AK9: variants seen among roughly 807,000 people sequenced by gnomAD.
The protein encoded by AK9 is adenylate kinase 9.
In AK9, 191 loss-of-function variants were observed where a neutral mutation model predicts 239.6. The ratio of observed to expected loss-of-function variants is 0.80; its 90% confidence interval spans 0.71 to 0.90. The LOEUF is 0.90. Among genes scored for constraint, AK9 ranks in the 40% least tolerant of loss-of-function variants. AK9 has a pLI of 0.00. For missense variants in AK9, 1,995 were observed against 2,214.7 expected (o/e 0.90, Z 1.99); for synonymous variants, 689 against 721.0 (o/e 0.96, Z 0.71).
intron 24 of AK9, among the ~76,000 whole-genome samples, chr6:109,555,362 T>C (rs1784871484): frequency 6.6e-6 from 1 of 152,248 alleles, no homozygotes; most frequent in Non-Finnish European, 1.5e-5. Context: ...TTGCTTGCAC[T>C]GTGATCTGAG....
intron 39 of AK9, 104 bp from the exon 40 acceptor site, chr6:109,494,199 C>A (rs1466370812): frequency 4.1e-6 from 3 of 731,668 alleles, no homozygotes; most frequent in Non-Finnish European, 2.3e-6. Flanking sequence ...CCTCAAATAG[C>A]CCCCTGGAGT....
chr6:109,658,444 G>C (rs1286620904), intron 7 of AK9, among the ~76,000 whole-genome samples: 11 of 152,130 alleles, frequency 7.2e-5, no homozygotes, highest in Non-Finnish European at 1.2e-4. Flanking sequence ...GTGATTAAGT[G>C]CTATAAGGAA....
At chr6:109,502,302 C>T (rs1039848184) in intron 35 of AK9, among the ~76,000 whole-genome samples, 25 of 152,060 alleles carry the variant, frequency 1.6e-4, no homozygotes, top group Admixed American at 3.3e-4. Flanking sequence ...TGACCTTATT[C>T]GGAAATAGGG....
At position 109,644,604 on chromosome 6, in the gene AK9, C is replaced by T. The variant is rs1201947967; in HGVS notation, c.834+10G>A. On this transcript the variant is annotated intron_variant, in intron 9 of 40. Transcript: ENST00000424296. The stretch of plus-strand genomic sequence containing the variant: ...TGCTGTGAAGTATTCCTGCTTAACA[C>T]TGCACTCACCATAAAGAGCTCCTCT... 3.1e-6 allele frequency: 5 copies of T among 1,605,060 alleles called. No individual in the cohort carries two copies. The highest frequency in any genetic ancestry group is 4.3e-6 in the Non-Finnish European group (5 of 1,176,022).
At chr6:109,561,217 G>T (rs577880102) in intron 24 of AK9, among the ~76,000 whole-genome samples, 6 of 152,302 alleles carry the variant, frequency 3.9e-5, no homozygotes, top group African/African-American at 1.4e-4. Flanking sequence ...TTCCCAAAGT[G>T]CTGGGATTAC....
intron 3 of AK9, among the ~76,000 whole-genome samples, chr6:109,673,937 C>A (rs1771305466): frequency 6.7e-6 from 1 of 149,298 alleles, no homozygotes. Flanking sequence ...AGTTTGAAAC[C>A]AGCCTGGGCA....
intron 8 of AK9, among the ~76,000 whole-genome samples, chr6:109,650,092 C>G (rs180953013): frequency 9.3e-4 from 141 of 152,216 alleles, no homozygotes; most frequent in African/African-American, 3.1e-3. Context: ...ATTCAAGATG[C>G]ATTAAAGACT....
chr6:109,619,108 C>T lies in AK9; in HGVS notation c.1383G>A (p.Leu461=). Residue 461 remains leucine (L), a synonymous_variant, in exon 13 of 41, where the codon CTG becomes CTA. Coordinates refer to ENST00000424296, the MANE Select transcript of AK9 (RefSeq NM_001145128.3). The stretch of plus-strand genomic sequence containing the variant: ...ATGTTTCACCTTGTTTTCTAGCTTG[C>T]AGTTCCCTGAGAAGCTTTTCTTTCA... ...KVVKEKLLRE[L]QARKQAETAL... The T allele has an allele frequency of 6.5e-7, 1 of 1,541,510 alleles. No homozygotes were observed. Among genetic ancestry groups the T allele is most frequent in the Non-Finnish European group, 8.7e-7 (1 of 1,143,852 alleles).
chr6:109,580,593 T>C (rs1027568668), intron 19 of AK9, among the ~76,000 whole-genome samples: 4 of 152,198 alleles, frequency 2.6e-5, no homozygotes, highest in African/African-American at 9.7e-5. Flanking sequence ...TTTCTCATAC[T>C]CCGCGTTCTT....
chr6:109,508,089 A>AT (rs1237112422), intron 33 of AK9, among the ~76,000 whole-genome samples: 2 of 152,198 alleles, frequency 1.3e-5, no homozygotes, highest in African/African-American at 4.8e-5. Context: ...TGAATTGTTC[A>AT]TTGCTTAAAC....
intron 29 of AK9, among the ~76,000 whole-genome samples, chr6:109,520,176 C>A (rs1382131892): frequency 6.6e-6 from 1 of 152,132 alleles, no homozygotes; most frequent in Admixed American, 6.5e-5. Flanking sequence ...AGGACCTAGT[C>A]ATAATTATTT....
chr6:109,574,681 C>A (rs1181581564), intron 20 of AK9, among the ~76,000 whole-genome samples: 2 of 151,754 alleles, frequency 1.3e-5, no homozygotes, highest in East Asian at 3.9e-4. Context: ...GAACTCCAGT[C>A]TTTTTTTTAA....
At chr6:109,578,107 A>G (rs1010697942) in intron 20 of AK9, among the ~76,000 whole-genome samples, 1 of 150,384 alleles carries the variant, frequency 6.6e-6, no homozygotes, top group Non-Finnish European at 1.5e-5. Context: ...AATTTTTTAA[A>G]AATTTTTAGT....
Position 109,631,130 on chromosome 6 carries a change from G to A in AK9, c.1254+1793C>T, listed in dbSNP as rs73527068. Among the ~76,000 whole-genome samples the A allele has an allele frequency of 8.2e-3, 1,245 of 151,986 alleles. 27 individuals carry two copies. The highest frequency in any genetic ancestry group is 0.027 in the African/African-American group (1,103 of 41,432). On this transcript the variant is annotated intron_variant, in intron 12 of 40. Transcript: ENST00000424296. Reference sequence around the variant, plus strand: ...GACAATATCCTCATGATGTTTGGGCGGAAAAATTTTCTTAAGTATGACATA... The same window carrying A: ...GACAATATCCTCATGATGTTTGGGCAGAAAAATTTTCTTAAGTATGACATA...
Position 109,563,600 on chromosome 6 carries a change from T to G in AK9, c.2748A>C (p.Glu916Asp). ...VDEELEEEEE[E>D]EGEDKMKERK... Reference sequence around the variant, plus strand: ...AGTAGAAATAAAAGAATCATGCCTCTTCCTCTTCCTCTTCCTCTAGCTCCT... The same window carrying G: ...AGTAGAAATAAAAGAATCATGCCTCGTCCTCTTCCTCTTCCTCTAGCTCCT... Residue 916 changes from glutamate to aspartate, a missense_variant, in exon 24 of 41, where the codon GAA (glutamate) becomes GAC (aspartate). Coordinates refer to ENST00000424296, the MANE Select transcript of AK9 (RefSeq NM_001145128.3). 6.5e-7 allele frequency: 1 copy of G among 1,549,734 alleles called. No individual in the cohort carries two copies.
chr6:109,647,197 C>G (rs920325381), intron 8 of AK9, among the ~76,000 whole-genome samples: 1 of 152,152 alleles, frequency 6.6e-6, no homozygotes, highest in Non-Finnish European at 1.5e-5. Flanking sequence ...GCAAAATAAC[C>G]AGCTAACATC....
At chr6:109,551,738 C>T (rs982993716) in intron 24 of AK9, among the ~76,000 whole-genome samples, 1 of 147,040 alleles carries the variant, frequency 6.8e-6, no homozygotes, top group African/African-American at 2.5e-5. Context: ...CTTTCAAGTC[C>T]TTATAATTTT....
At chr6:109,528,378 G>T in intron 29 of AK9, 1 of 360,942 alleles carries the variant, frequency 2.8e-6, no homozygotes, top group South Asian at 2.1e-5. Flanking sequence ...TGGCTGATTT[G>T]CCAGTATTTG....
intron 30 of AK9, 113 bp downstream of exon 30, chr6:109,516,317 G>T: frequency 3.1e-6 from 3 of 983,202 alleles, no homozygotes; most frequent in Non-Finnish European, 4.4e-6. Context: ...AGGAAATACA[G>T]CCCTAAAATA....
Sources: gnomAD v4.1 joint callset for allele counts (sites outside exome capture counted in the v4.1 genomes callset) on GRCh38, gnomAD v4.1.1 for gene constraint, MANE v1.5 for transcripts, NCBI Gene and HGNC (gene_info 2026-07-23, HGNC 2026-07-21) for gene names.